The following KTN1 variants were observed in gnomAD, a reference collection of about 807,000 sequenced individuals.
KTN1 encodes the protein kinectin.
A neutral mutation model predicts 222.5 loss-of-function variants in KTN1; 130 were observed. That is an observed-to-expected ratio of 0.58 (90% CI 0.51 to 0.68). The LOEUF is 0.68. KTN1 is among the 30% of genes least tolerant of loss of function. The probability of loss-of-function intolerance (pLI) is 0.00; values close to 1 mark genes in which losing one functional copy is unlikely to be tolerated. For missense variants in KTN1, 1,508 were observed against 1,500.4 expected, an observed-to-expected ratio of 1.01 and a Z score of -0.08; for synonymous variants, 512 against 496.3, an observed-to-expected ratio of 1.03 and a Z score of -0.42.
intron 5 of KTN1, among the ~76,000 whole-genome samples, chr14:55,620,877 G>T (rs1179243246): frequency 2.0e-5 from 3 of 152,118 alleles, no homozygotes; most frequent in African/African-American, 7.2e-5. Flanking sequence ...TTCTGCAGCT[G>T]GCTTGAATTT....
chr14:55,602,198 T>C (rs1024892972), intron 1 of KTN1, among the ~76,000 whole-genome samples: 1 of 152,250 alleles, frequency 6.6e-6, no homozygotes, highest in Non-Finnish European at 1.5e-5. Context: ...TTATTTTCTT[T>C]ATCACACTGC....
intron 40 of KTN1, chr14:55,675,341 A>T (rs939382599): frequency 1.3e-5 from 2 of 154,610 alleles, no homozygotes; most frequent in African/African-American, 4.8e-5. Context: ...GTGGTCTTGT[A>T]CTACCCCTTA....
At chr14:55,648,306 T>C (rs1264597139) in intron 20 of KTN1, among the ~76,000 whole-genome samples, 191 bp downstream of exon 20, 1 of 152,222 alleles carries the variant, frequency 6.6e-6, no homozygotes. Flanking sequence ...ACTGCCTTAA[T>C]GAGGTAGATA....
chr14:55,621,163 C>T (rs1361327721), intron 5 of KTN1, among the ~76,000 whole-genome samples: 2 of 152,128 alleles, frequency 1.3e-5, no homozygotes, highest in Non-Finnish European at 2.9e-5. Context: ...TGTTCCTCAT[C>T]TCCATCTGAG....
At chr14:55,590,586 T>C (rs1316817099) in intron 1 of KTN1, among the ~76,000 whole-genome samples, 2 of 152,166 alleles carry the variant, frequency 1.3e-5, no homozygotes, top group African/African-American at 2.4e-5. Context: ...CCCTATTTTG[T>C]TGTTTTGTTG....
chr14:55,681,266 A>T (rs2046341932), intron 43 of KTN1: 1 of 153,064 alleles, frequency 6.5e-6, no homozygotes, highest in African/African-American at 2.4e-5. Context: ...TACTTAATGA[A>T]ATATGTCAAA....
At chr14:55,624,038 T>C (rs1038843318) in intron 5 of KTN1, among the ~76,000 whole-genome samples, 6 of 152,194 alleles carry the variant, frequency 3.9e-5, no homozygotes, top group Admixed American at 1.3e-4. Context: ...ATGGAGCAAG[T>C]GTTTTGAAAC....
At chr14:55,601,518 G>A (rs1303101766) in intron 1 of KTN1, among the ~76,000 whole-genome samples, 1 of 152,126 alleles carries the variant, frequency 6.6e-6, no homozygotes, top group Non-Finnish European at 1.5e-5. Context: ...GACTGAGTAG[G>A]ACAATAGGAA....
intron 18 of KTN1, chr14:55,644,338 A>T: frequency 4.3e-6 from 3 of 701,148 alleles, no homozygotes; most frequent in Non-Finnish European, 7.8e-6. Context: ...TACCCCATGG[A>T]TTTTTATTCT....
chr14:55,672,522 G>A, intron 37 of KTN1, 108 bp from the exon 38 acceptor site: 1 of 636,528 alleles, frequency 1.6e-6, no homozygotes, highest in South Asian at 2.1e-5. Context: ...TAAATGAGAT[G>A]CATTTCAAAA....
chr14:55,660,389 G>GTTTTT (rs34898734), intron 31 of KTN1, among the ~76,000 whole-genome samples: 2 of 121,758 alleles, frequency 1.6e-5, no homozygotes, highest in Non-Finnish European at 1.7e-5. Flanking sequence ...TTCTTAAGGA[G>GTTTTT]TTTTTTTTTT....
chr14:55,637,075 C>A, intron 10 of KTN1, 123 bp from the exon 11 acceptor site: 1 of 638,484 alleles, frequency 1.6e-6, no homozygotes, highest in Non-Finnish European at 2.6e-6. Context: ...CAGGAGCATG[C>A]AAGAATGGAA....
At chr14:55,643,242 T>A (rs1324426792) in intron 18 of KTN1, among the ~76,000 whole-genome samples, 1 of 152,166 alleles carries the variant, frequency 6.6e-6, no homozygotes, top group Non-Finnish European at 1.5e-5. Flanking sequence ...CCTTTTCTGG[T>A]ATAGCTTACA....
intron 1 of KTN1, among the ~76,000 whole-genome samples, chr14:55,598,311 T>G (rs1382932401): frequency 6.6e-6 from 1 of 151,704 alleles, no homozygotes; most frequent in Non-Finnish European, 1.5e-5. Context: ...GGCGGGCGCC[T>G]GTAGTCCCAG....
At chr14:55,596,175 T>TAAAAAAAAAAAAAAAAAAAAAAAAAAAAA (rs2035011951) in intron 1 of KTN1, among the ~76,000 whole-genome samples, 1 of 116,612 alleles carries the variant, frequency 8.6e-6, no homozygotes, top group African/African-American at 3.0e-5. Flanking sequence ...AAAAAAAAAG[T>TAAAAAAAAAAAAAAAAAAAAAAAAAAAAA]AAAAATAAAA....
At chr14:55,633,584 A>G (rs1566757910) in intron 8 of KTN1, among the ~76,000 whole-genome samples, 2 of 151,498 alleles carry the variant, frequency 1.3e-5, no homozygotes, top group East Asian at 1.9e-4. Context: ...ATTAATATAT[A>G]TCATATATTA....
chr14:55,588,846 T>A (rs1190864213), intron 1 of KTN1, among the ~76,000 whole-genome samples: 1 of 152,174 alleles, frequency 6.6e-6, no homozygotes, highest in Non-Finnish European at 1.5e-5. Context: ...TGAAATAGAC[T>A]GGGATCTACA....
chr14:55,611,676 CA>C (rs1389729378), intron 1 of KTN1, among the ~76,000 whole-genome samples: 2 of 152,068 alleles, frequency 1.3e-5, no homozygotes, highest in East Asian at 3.9e-4. Context: ...GTACAATAAA[CA>C]AAAAAGTTAA....
intron 1 of KTN1, among the ~76,000 whole-genome samples, chr14:55,601,568 A>G (rs1283075174): frequency 1.3e-5 from 2 of 152,150 alleles, no homozygotes; most frequent in Non-Finnish European, 2.9e-5. Context: ...GTTTCAGGAA[A>G]TGGTTAATGC....
Sources: allele counts gnomAD v4.1 joint callset (sites outside exome capture counted in the v4.1 genomes callset), GRCh38; gene constraint gnomAD v4.1.1; transcripts MANE v1.5; gene names NCBI Gene and HGNC (gene_info 2026-07-23, HGNC 2026-07-21).